The following DLG2 variants were observed in gnomAD, a reference collection of about 807,000 sequenced individuals.
The protein encoded by DLG2 is discs large MAGUK scaffold protein 2.
DLG2 carries 45 observed loss-of-function variants against 132.5 expected under a neutral mutation model. The ratio of observed to expected loss-of-function variants is 0.34; its 90% CI spans 0.27 to 0.44. DLG2 has a LOEUF of 0.44. Ranked by LOEUF, DLG2 falls within the 20% of genes least tolerant of loss-of-function variation. DLG2 has a pLI of 1.00. For missense variants in DLG2, 1,045 were observed against 1,196.9 expected (o/e 0.87, Z 1.87); for synonymous variants, 424 against 419.6 (o/e 1.01, Z -0.13).
intron 6 of DLG2, among the ~76,000 whole-genome samples, chr11:84,793,936 G>A (rs182749601): frequency 1.3e-5 from 2 of 152,030 alleles, no homozygotes; most frequent in Admixed American, 6.5e-5. Context: ...CTGCTATTTT[G>A]TTATTTGTTT....
At chr11:85,425,592 C>T (rs1206474853) in intron 3 of DLG2, among the ~76,000 whole-genome samples, 1 of 152,074 alleles carries the variant, frequency 6.6e-6, no homozygotes, top group Non-Finnish European at 1.5e-5. Flanking sequence ...TACCCTTTGA[C>T]CTAGTAATCC....
intron 2 of DLG2, among the ~76,000 whole-genome samples, chr11:85,611,952 T>G (rs1483067978): frequency 4.0e-5 from 6 of 148,292 alleles, no homozygotes; most frequent in Non-Finnish European, 6.0e-5. Context: ...GACAGAGATA[T>G]AGAGAGAGAG....
At chr11:85,354,736 C>G (rs1225245673) in intron 3 of DLG2, among the ~76,000 whole-genome samples, 1 of 151,502 alleles carries the variant, frequency 6.6e-6, no homozygotes, top group African/African-American at 2.4e-5. Flanking sequence ...GTTTCTCTCT[C>G]TCTCTCTCTC....
At chr11:85,202,782 T>C in intron 4 of DLG2, among the ~76,000 whole-genome samples, 1 of 151,922 alleles carries the variant, frequency 6.6e-6, no homozygotes, top group Non-Finnish European at 1.5e-5. Flanking sequence ...TTAAACAACA[T>C]GCTCATGAAC....
intron 6 of DLG2, chr11:84,800,624 T>C (rs181023789): frequency 4.5e-4 from 68 of 152,238 alleles, no homozygotes; most frequent in African/African-American, 1.6e-3. Context: ...TGATTCACAG[T>C]TGATCATATT....
intron 6 of DLG2, among the ~76,000 whole-genome samples, chr11:84,918,149 C>A (rs1290202658): frequency 6.6e-6 from 1 of 151,958 alleles, no homozygotes; most frequent in African/African-American, 2.4e-5. Flanking sequence ...TTTTGAATTC[C>A]TAAATATAAA....
intron 3 of DLG2, among the ~76,000 whole-genome samples, chr11:85,593,129 A>G (rs146598288): frequency 6.0e-4 from 91 of 152,312 alleles, no homozygotes; most frequent in African/African-American, 2.1e-3. Context: ...GAGTTTATGG[A>G]TTACAAAGTA....
chr11:84,351,078 A>T (rs542246885), intron 7 of DLG2, among the ~76,000 whole-genome samples: 1 of 152,316 alleles, frequency 6.6e-6, no homozygotes, highest in East Asian at 1.9e-4. Context: ...GACAAACAGG[A>T]AATATTTTTC....
chr11:84,252,140 C>CTTTT (rs1176873990), intron 7 of DLG2, among the ~76,000 whole-genome samples: 2,006 of 65,414 alleles, frequency 0.031, 1 homozygote, highest in Non-Finnish European at 0.038. Flanking sequence ...TTCTTTCTTT[C>CTTTT]TTTTTTTTTT....
At chr11:83,787,360 C>T (rs1332183423) in intron 17 of DLG2, among the ~76,000 whole-genome samples, 2 of 121,016 alleles carry the variant, frequency 1.7e-5, no homozygotes, top group Non-Finnish European at 3.2e-5. Flanking sequence ...CTCGCTCTTT[C>T]GCCCAGGCTG....
intron 22 of DLG2, among the ~76,000 whole-genome samples, chr11:83,473,320 T>A (rs1419086249): frequency 6.6e-6 from 1 of 152,094 alleles, no homozygotes; most frequent in East Asian, 1.9e-4. Flanking sequence ...TTAATGAAGA[T>A]CAAAAATTGA....
At chr11:83,745,094 A>C (rs1384550230) in intron 18 of DLG2, among the ~76,000 whole-genome samples, 2 of 152,166 alleles carry the variant, frequency 1.3e-5, no homozygotes, top group Non-Finnish European at 2.9e-5. Context: ...GACACTCATG[A>C]TTGGTTCCCA....
At chr11:84,255,575 C>A (rs548155854) in intron 7 of DLG2, among the ~76,000 whole-genome samples, 3 of 152,146 alleles carry the variant, frequency 2.0e-5, no homozygotes, top group Admixed American at 1.3e-4. Flanking sequence ...CCACACGCCT[C>A]GGCCCCCAAA....
intron 17 of DLG2, among the ~76,000 whole-genome samples, chr11:83,830,628 G>A (rs566966478): frequency 1.9e-4 from 29 of 152,304 alleles, no homozygotes; most frequent in Non-Finnish European, 3.7e-4. Context: ...CACACAGTGC[G>A]GTGTGCACCA....
At chr11:83,682,320 A>T (rs1316442917) in intron 18 of DLG2, 7 of 985,242 alleles carry the variant, frequency 7.1e-6, no homozygotes, top group Non-Finnish European at 8.4e-6. Context: ...ATGAATTATA[A>T]AACAGCCCCT....
intron 6 of DLG2, among the ~76,000 whole-genome samples, chr11:84,815,054 C>T (rs1243214286): frequency 6.6e-6 from 1 of 151,984 alleles, no homozygotes; most frequent in African/African-American, 2.4e-5. Context: ...GCACCAGAGG[C>T]AAAGGTGGAG....
At chr11:85,040,441 A>G (rs1371935240) in intron 6 of DLG2, among the ~76,000 whole-genome samples, 1 of 151,984 alleles carries the variant, frequency 6.6e-6, no homozygotes, top group Admixed American at 6.6e-5. Context: ...TCATGGCATG[A>G]TGATAATTCT....
intron 6 of DLG2, among the ~76,000 whole-genome samples, chr11:84,851,288 G>A (rs1029127178): frequency 1.3e-5 from 2 of 152,054 alleles, no homozygotes; most frequent in African/African-American, 2.4e-5. Context: ...TTATATTTGA[G>A]AGTTTCATGC....
chr11:84,112,969 G>T (rs1282120016), intron 9 of DLG2, among the ~76,000 whole-genome samples: 1 of 152,160 alleles, frequency 6.6e-6, no homozygotes, highest in Non-Finnish European at 1.5e-5. Context: ...TTATAAACTA[G>T]TAGTACTCAA....
Sources: allele counts gnomAD v4.1 joint callset (sites outside exome capture counted in the v4.1 genomes callset), GRCh38; gene constraint gnomAD v4.1.1; transcripts MANE v1.5; gene names NCBI Gene and HGNC (gene_info 2026-07-23, HGNC 2026-07-21).